The following ASAP1 variants were observed in gnomAD, a reference collection of about 807,000 sequenced individuals.
ASAP1 encodes the protein ArfGAP with SH3 domain, ankyrin repeat and PH domain 1, also known as arf-GAP with SH3 domain, ANK repeat and PH domain-containing protein 1.
Under a neutral mutation model 145.2 loss-of-function variants are expected in ASAP1, and 43 were observed. The observed-to-expected ratio is 0.30, with a 90% CI of 0.23 to 0.38. The LOEUF (loss-of-function observed/expected upper bound fraction) is 0.38, where lower values mean the gene tolerates loss of function less well. ASAP1 is among the 10% of genes least tolerant of loss of function. ASAP1 has a pLI of 1.00. For synonymous variants in ASAP1, 546 were observed against 515.5 expected (o/e 1.06, Z -0.80); for missense variants, 1,018 against 1,355.3 (o/e 0.75, Z 3.91).
intron 13 of ASAP1, among the ~76,000 whole-genome samples, chr8:130,152,387 T>G (rs1305709354): frequency 2.6e-5 from 4 of 152,218 alleles, no homozygotes; most frequent in Non-Finnish European, 1.5e-5. Flanking sequence ...TTACATCTAC[T>G]GTTACGTTTC....
intron 2 of ASAP1, among the ~76,000 whole-genome samples, chr8:130,389,579 C>T (rs1206954201): frequency 6.6e-6 from 1 of 152,190 alleles, no homozygotes; most frequent in Non-Finnish European, 1.5e-5. Context: ...CCAGTTCCTT[C>T]CCCAGAGAGG....
At chr8:130,164,633 A>G (rs1201098736) in intron 11 of ASAP1, among the ~76,000 whole-genome samples, 2 of 152,186 alleles carry the variant, frequency 1.3e-5, no homozygotes, top group African/African-American at 4.8e-5. Context: ...AAACAGTTAT[A>G]TAGCAAATAG....
intron 25 of ASAP1, chr8:130,084,521 G>A (rs1470603317): frequency 1.3e-5 from 2 of 152,166 alleles, no homozygotes; most frequent in African/African-American, 4.8e-5. Context: ...CCATAGCTTC[G>A]AAGCTACAGG....
intron 3 of ASAP1, among the ~76,000 whole-genome samples, chr8:130,290,324 G>C (rs1334761176): frequency 1.3e-5 from 2 of 152,158 alleles, no homozygotes; most frequent in Non-Finnish European, 2.9e-5. Context: ...GGATGGTTCA[G>C]GTGAAACAGC....
At position 130,361,724 on chromosome 8, in the gene ASAP1, T is replaced by A. The variant is rs1007602568; in HGVS notation, c.60-3581A>T. 12 of 1,535,808 alleles carry A rather than the reference T, an allele frequency of 7.8e-6. No homozygotes were observed. In the African/African-American group the frequency reaches 1.6e-4, roughly 21 times the overall value. ...TGAAACCATGCCTCAGTGAAAACCA[T>A]CTGCACCTCTCATTTTCTCAAATAC... On this transcript the variant is annotated intron_variant, in intron 2 of 29. Coordinates refer to ENST00000518721, the MANE Select transcript of ASAP1 (RefSeq NM_018482.4).
At chr8:130,394,576 G>C (rs532278426) in intron 2 of ASAP1, among the ~76,000 whole-genome samples, 1 of 152,048 alleles carries the variant, frequency 6.6e-6, no homozygotes, top group Non-Finnish European at 1.5e-5. Context: ...TAAAGTATGC[G>C]ATCTCTGTGA....
intron 3 of ASAP1, among the ~76,000 whole-genome samples, chr8:130,278,161 T>C (rs1821033247): frequency 6.6e-6 from 1 of 152,112 alleles, no homozygotes; most frequent in Non-Finnish European, 1.5e-5. Context: ...CTCTCTATGA[T>C]GTTAGACAGC....
At chr8:130,221,846 C>G (rs907925771) in intron 4 of ASAP1, among the ~76,000 whole-genome samples, 3 of 152,192 alleles carry the variant, frequency 2.0e-5, no homozygotes, top group African/African-American at 7.2e-5. Flanking sequence ...GCAGCTTTAT[C>G]TTTCTAAACC....
intron 3 of ASAP1, among the ~76,000 whole-genome samples, chr8:130,249,785 G>A (rs1819079490): frequency 6.6e-6 from 1 of 152,030 alleles, no homozygotes; most frequent in African/African-American, 2.4e-5. Context: ...GCACCCCAGG[G>A]TGTAGGAGAA....
At chr8:130,104,475 T>G (rs957518741) in intron 24 of ASAP1, among the ~76,000 whole-genome samples, 5 of 152,206 alleles carry the variant, frequency 3.3e-5, no homozygotes, top group African/African-American at 9.6e-5. Context: ...GCAACTCTTT[T>G]AAAAAGTTCT....
At chr8:130,346,175 G>GT (rs1825692457) in intron 3 of ASAP1, among the ~76,000 whole-genome samples, 1 of 152,152 alleles carries the variant, frequency 6.6e-6, no homozygotes, top group Non-Finnish European at 1.5e-5. Flanking sequence ...AAAACCTAGG[G>GT]TTAAAAAGTG....
At chr8:130,413,552 C>T (rs563621817) in intron 1 of ASAP1, among the ~76,000 whole-genome samples, 71 of 152,312 alleles carry the variant, frequency 4.7e-4, no homozygotes, top group Non-Finnish European at 7.9e-4. Flanking sequence ...TAAAGTATAT[C>T]TAAGAAATGT....
intron 27 of ASAP1, among the ~76,000 whole-genome samples, chr8:130,063,067 T>G (rs1443136212): frequency 6.6e-6 from 1 of 152,186 alleles, no homozygotes; most frequent in Non-Finnish European, 1.5e-5. Flanking sequence ...GTGAAAAATA[T>G]TAGCTTAAAC....
intron 27 of ASAP1, among the ~76,000 whole-genome samples, chr8:130,075,573 CA>C (rs1360822676): frequency 6.6e-6 from 1 of 152,196 alleles, no homozygotes; most frequent in African/African-American, 2.4e-5. Flanking sequence ...GCTGGCCTTG[CA>C]GGCTTATAGA....
rs1821141215 is a variant in ASAP1, at chr8:130,279,714, T to G, written c.187-42720A>C. ...TATTGTATAATTTCTATACTACAGATGAGAAAGAGTTAGCAATGTAGTAGT... is the reference window on the plus strand; with the variant it reads ...TATTGTATAATTTCTATACTACAGAGGAGAAAGAGTTAGCAATGTAGTAGT... On this transcript the variant is annotated intron_variant, in intron 3 of 29. Coordinates refer to ENST00000518721, the MANE Select transcript of ASAP1 (RefSeq NM_018482.4). Among the ~76,000 whole-genome samples, 3 of 152,024 alleles carry G rather than the reference T, an allele frequency of 2.0e-5. No homozygotes were observed. The South Asian group carries it at 6.2e-4, about 31-fold the overall frequency.
At chr8:130,292,479 G>C (rs1822006752) in intron 3 of ASAP1, among the ~76,000 whole-genome samples, 1 of 152,214 alleles carries the variant, frequency 6.6e-6, no homozygotes, top group African/African-American at 2.4e-5. Flanking sequence ...AGAAGAGGAA[G>C]TGAATGATTA....
chr8:130,123,713 G>A (rs2097570185), intron 18 of ASAP1, among the ~76,000 whole-genome samples: 1 of 152,016 alleles, frequency 6.6e-6, no homozygotes, highest in Admixed American at 6.6e-5. Flanking sequence ...TGCAAGCTCC[G>A]CCTCCCGGGT....
chr8:130,171,773 A>C (rs1490880255), intron 9 of ASAP1, among the ~76,000 whole-genome samples: 1 of 152,226 alleles, frequency 6.6e-6, no homozygotes, highest in Non-Finnish European at 1.5e-5. Flanking sequence ...CCAGACCTGG[A>C]GAGGTTGGCA....
chr8:130,180,209 A>G (rs1350765235), intron 8 of ASAP1, among the ~76,000 whole-genome samples: 3 of 152,212 alleles, frequency 2.0e-5, no homozygotes, highest in Non-Finnish European at 4.4e-5. Flanking sequence ...GAAAACTGCA[A>G]AAGAAACTCT....
Sources: allele counts gnomAD v4.1 joint callset (sites outside exome capture counted in the v4.1 genomes callset), GRCh38; gene constraint gnomAD v4.1.1; transcripts MANE v1.5; gene names NCBI Gene and HGNC (gene_info 2026-07-23, HGNC 2026-07-21).